PXYLP1: variants seen among roughly 807,000 people sequenced by gnomAD.
The protein encoded by PXYLP1 is acid phosphatase-like 2.
In PXYLP1, 17 loss-of-function variants were observed where a neutral mutation model predicts 37.9. That is an observed-to-expected ratio of 0.45 (90% confidence interval 0.31 to 0.67). The LOEUF is 0.67. Among genes scored for constraint, PXYLP1 ranks in the 30% least tolerant of loss-of-function variants. The pLI is 0.07. For synonymous variants in PXYLP1, 221 were observed against 232.2 expected, an observed-to-expected ratio of 0.95 and a Z score of 0.44; for missense variants, 511 against 612.0, an observed-to-expected ratio of 0.84 and a Z score of 1.74.
At chr3:141,247,084 G>T (rs948032518) in intron 1 of PXYLP1, among the ~76,000 whole-genome samples, 1 of 152,236 alleles carries the variant, frequency 6.6e-6, no homozygotes, top group African/African-American at 2.4e-5. Context: ...TCCACCTCAG[G>T]TTCATTCTTG....
At chr3:141,265,730 T>C (rs554579791) in intron 2 of PXYLP1, among the ~76,000 whole-genome samples, 2 of 152,294 alleles carry the variant, frequency 1.3e-5, no homozygotes, top group South Asian at 4.1e-4. Flanking sequence ...CATTCATGCA[T>C]GCATTCATTC....
intron 2 of PXYLP1, chr3:141,273,778 C>T (rs1054072540): frequency 1.5e-5 from 15 of 985,154 alleles, no homozygotes; most frequent in African/African-American, 7.0e-5. Flanking sequence ...AGGTAGCTTA[C>T]GGAAATTTGC....
At chr3:141,265,650 A>C (rs1032235128) in intron 2 of PXYLP1, among the ~76,000 whole-genome samples, 4 of 152,178 alleles carry the variant, frequency 2.6e-5, no homozygotes, top group Non-Finnish European at 5.9e-5. Flanking sequence ...TCGTGGGGCT[A>C]GGATGATGGT....
At chr3:141,254,421 A>G (rs1190851195) in intron 1 of PXYLP1, among the ~76,000 whole-genome samples, 2 of 152,194 alleles carry the variant, frequency 1.3e-5, no homozygotes, top group Non-Finnish European at 2.9e-5. Flanking sequence ...GAGTGCGTGA[A>G]CTGGCTTCAG....
intron 2 of PXYLP1, among the ~76,000 whole-genome samples, chr3:141,268,700 C>T (rs1262554643): frequency 6.6e-6 from 1 of 152,178 alleles, no homozygotes; most frequent in Non-Finnish European, 1.5e-5. Context: ...AGGGCGGGCA[C>T]CTGGGAGGGA....
At chr3:141,265,591 C>T (rs754669648) in intron 2 of PXYLP1, among the ~76,000 whole-genome samples, 1 of 151,982 alleles carries the variant, frequency 6.6e-6, no homozygotes, top group Non-Finnish European at 1.5e-5. Context: ...AGAAGCAAAG[C>T]CAAGAGACGT....
At chr3:141,247,140 C>T (rs1940978337) in intron 1 of PXYLP1, among the ~76,000 whole-genome samples, 1 of 152,252 alleles carries the variant, frequency 6.6e-6, no homozygotes, top group South Asian at 2.1e-4. Context: ...ACCTGCCCAG[C>T]TGACCCAGGC....
chr3:141,271,574 T>C (rs1941664679), intron 2 of PXYLP1, among the ~76,000 whole-genome samples: 1 of 152,214 alleles, frequency 6.6e-6, no homozygotes, highest in Admixed American at 6.5e-5. Context: ...GCCAACACTT[T>C]AGCCTCATCA....
rs780243593 is a variant in PXYLP1, at chr3:141,273,551, G to A, written c.80-4791G>A. 4.1e-6 allele frequency: 4 copies of A among 985,358 alleles called. No homozygotes were observed. In the East Asian group the frequency reaches 4.5e-4, roughly 112 times the overall value. 61.0% of individuals were successfully genotyped at this position (985,358 alleles called of 1,614,324 possible). A position where few individuals can be genotyped will look rare whatever the true frequency, so the allele number is the denominator to read the frequency against. On this transcript the variant is annotated intron_variant, in intron 2 of 5. Coordinates refer to ENST00000286353, the MANE Select transcript of PXYLP1 (RefSeq NM_001037172.3). The stretch of plus-strand genomic sequence containing the variant: ...AGGGAGCCTGCGTGGGATAGCATCT[G>A]GTTGTTTTACTCATGATTCTAAGAA...
intron 4 of PXYLP1, among the ~76,000 whole-genome samples, chr3:141,281,912 C>T (rs1006273314): frequency 1.3e-5 from 2 of 152,058 alleles, no homozygotes; most frequent in African/African-American, 2.4e-5. Flanking sequence ...TCTGAGGCTT[C>T]GATACCCAGC....
chr3:141,281,987 A>C (rs1436499749), intron 4 of PXYLP1, among the ~76,000 whole-genome samples: 1 of 141,844 alleles, frequency 7.1e-6, no homozygotes, highest in Non-Finnish European at 1.6e-5. Context: ...GAAAAGATGA[A>C]GGTCTCTGAC....
At chr3:141,269,091 G>A (rs900972694) in intron 2 of PXYLP1, among the ~76,000 whole-genome samples, 23 of 152,228 alleles carry the variant, frequency 1.5e-4, no homozygotes, top group African/African-American at 5.5e-4. Context: ...TTTCCTTGAG[G>A]TGGCCTCCCC....
At chr3:141,240,858 C>T (rs1016990282) in intron 1 of PXYLP1, among the ~76,000 whole-genome samples, 2 of 152,166 alleles carry the variant, frequency 1.3e-5, no homozygotes, top group East Asian at 1.9e-4. Context: ...CTCAGTAGGA[C>T]AGTGGGAGGC....
At chr3:141,288,490 A>G (rs1399276392) in intron 5 of PXYLP1, among the ~76,000 whole-genome samples, 1 of 152,260 alleles carries the variant, frequency 6.6e-6, no homozygotes, top group Non-Finnish European at 1.5e-5. Flanking sequence ...TTAGTTCCAC[A>G]TGCATTACTT....
Position 141,293,731 on chromosome 3 carries a change from C to G in PXYLP1, c.*526C>G, listed in dbSNP as rs1942288058. 1 of 155,680 alleles carries G rather than the reference C, an allele frequency of 6.4e-6. No homozygotes were observed. Among genetic ancestry groups the G allele is most frequent in the Admixed American group, 6.2e-5 (1 of 16,128 alleles). 9.6% of individuals were successfully genotyped at this position (155,680 alleles called of 1,614,324 possible). ...CAGTCTCTGTCATAACTACTCAACT[C>G]TGTTTCTGAAGCAGGAAAGCCACCA... On this transcript the variant is annotated 3_prime_UTR_variant, in exon 6 of 6. Coordinates refer to ENST00000286353, the MANE Select transcript of PXYLP1 (RefSeq NM_001037172.3).
chr3:141,289,334 A>G (rs1942148419), intron 5 of PXYLP1, among the ~76,000 whole-genome samples: 1 of 152,044 alleles, frequency 6.6e-6, no homozygotes, highest in African/African-American at 2.4e-5. Context: ...CACGTGATGG[A>G]ATGTCTCATG....
At chr3:141,248,610 C>CGT (rs745780245) in intron 1 of PXYLP1, among the ~76,000 whole-genome samples, 2 of 112,424 alleles carry the variant, frequency 1.8e-5, no homozygotes, top group Non-Finnish European at 3.6e-5. Context: ...TATATACACA[C>CGT]GTATATATAC....
intron 1 of PXYLP1, among the ~76,000 whole-genome samples, chr3:141,256,067 C>T (rs971629283): frequency 6.6e-6 from 1 of 152,212 alleles, no homozygotes; most frequent in Non-Finnish European, 1.5e-5. Flanking sequence ...GGGCCAGTGG[C>T]CAGGATTTGA....
intron 2 of PXYLP1, 83 bp downstream of exon 2, chr3:141,260,337 A>C: frequency 6.8e-7 from 1 of 1,475,820 alleles, no homozygotes; most frequent in Non-Finnish European, 9.2e-7. Flanking sequence ...TGTTTTATAA[A>C]TGAATGATGA....
Sources: allele counts gnomAD v4.1 joint callset (sites outside exome capture counted in the v4.1 genomes callset), GRCh38; gene constraint gnomAD v4.1.1; transcripts MANE v1.5; gene names NCBI Gene and HGNC (gene_info 2026-07-23, HGNC 2026-07-21).